Variants in MUC12 observed in about 807,000 individuals in gnomAD.
MUC12 encodes the protein mucin 12, cell surface associated.
Under a neutral mutation model 230.8 loss-of-function variants are expected in MUC12, and 172 were observed. That is an observed-to-expected ratio of 0.75 (90% CI 0.66 to 0.85). The LOEUF (loss-of-function observed/expected upper bound fraction) is 0.85, where lower values mean the gene tolerates loss of function less well. MUC12 is among the 40% of genes least tolerant of loss of function. MUC12 has a pLI of 0.00. For missense variants in MUC12, 3,506 were observed against 5,920.6 expected (o/e 0.59, Z 13.38); for synonymous variants, 1,259 against 2,401.9 (o/e 0.52, Z 13.91).
chr7:100,971,964 C>T (rs1307744145), intron 1 of MUC12, among the ~76,000 whole-genome samples: 6 of 152,296 alleles, frequency 3.9e-5, no homozygotes, highest in Non-Finnish European at 2.9e-5. Flanking sequence ...AAAGATAACA[C>T]AGGTGAATCC....
chr7:101,005,391 C>G lies in MUC12; in HGVS notation c.14828C>G (p.Thr4943Ser). Residue 4943 changes from threonine to serine, a missense_variant, in exon 2 of 12, where the codon ACT (threonine) becomes AGT (serine). By Grantham distance (58) the Thr-to-Ser change is moderately conservative (BLOSUM62 1). Transcript: ENST00000536621. Reference protein sequence around the residue: ...PTTFYISPSPTYTTLFPASSS... With the variant: ...PTTFYISPSPSYTTLFPASSS... ...ACTTTCTACATCAGCCCATCCCCTA[C>G]TTACACAACACTCTTTCCTGCGAGT... 6.5e-7 allele frequency: 1 copy of G among 1,537,934 alleles called. No homozygotes were observed. The highest frequency in any genetic ancestry group is 1.2e-5 in the South Asian group (1 of 84,058).
chr7:100,976,868 T>C (rs185714708), intron 1 of MUC12, among the ~76,000 whole-genome samples: 11 of 151,824 alleles, frequency 7.2e-5, no homozygotes, highest in Non-Finnish European at 1.2e-4. Context: ...CTGGCCAACA[T>C]GGTGAAACCC....
Position 101,011,362 on chromosome 7 carries a change from C to T in MUC12, c.15252-934C>T, listed in dbSNP as rs368659670. 4.9e-4 allele frequency among the ~76,000 whole-genome samples: 75 copies of T among 152,280 alleles called. 1 individual carries two copies. The East Asian group carries it at 0.013, about 25-fold the overall frequency. On this transcript the variant is annotated intron_variant, in intron 5 of 11. Coordinates refer to ENST00000536621, the MANE Select transcript of MUC12 (RefSeq NM_001164462.2). Reference sequence around the variant, plus strand: ...GATGACTTGCCTTGTCTCAAGATCTCTCCCCCCAGCTGCATCATTGGCTAT... The same window carrying T: ...GATGACTTGCCTTGTCTCAAGATCTTTCCCCCCAGCTGCATCATTGGCTAT...
intron 1 of MUC12, 121 bp from the exon 2 acceptor site, chr7:100,990,510 G>C: frequency 8.0e-7 from 1 of 1,248,078 alleles, no homozygotes; most frequent in Non-Finnish European, 1.1e-6. Flanking sequence ...GGAAACTTGA[G>C]TTTCAATACC....
In MUC12 at chr7:100,992,676, G is replaced by A. The variant is rs187218941; in HGVS notation, c.2113G>A (p.Asp705Asn). 672 of 1,531,932 alleles carry A rather than the reference G, an allele frequency of 4.4e-4. 2 individuals are homozygous for A. Among genetic ancestry groups the A allele is most frequent in the East Asian group, 4.1e-3 (166 of 40,532 alleles). The allele number at this position is 1,531,932 out of a possible 1,614,324, so 94.9% of individuals were successfully genotyped here. Residue 705 changes from aspartate (D) to asparagine (N), a missense_variant, in exon 2 of 12, where the codon GAC becomes AAC. Asp to Asn is a conservative substitution (Grantham distance 23). Transcript: ENST00000536621. ...TCAAACAATGCACTTCCCTGAAAGCGACACAACTTCAGGCCGTGGTGAAGA... is the reference window on the plus strand; with the variant it reads ...TCAAACAATGCACTTCCCTGAAAGCAACACAACTTCAGGCCGTGGTGAAGA... ...STQTMHFPESDTTSGRGEEST... is the reference protein window; with the variant it reads ...STQTMHFPESNTTSGRGEEST...
At position 101,012,991 on chromosome 7, in the gene MUC12, C is replaced by G; in HGVS notation, c.15487C>G (p.Gln5163Glu). Residue 5163 changes from glutamine to glutamate, a missense_variant, in exon 8 of 12, where the codon CAG (glutamine) becomes GAG (glutamate). Physicochemically the swap from Gln to Glu is conservative, Grantham distance 29. Transcript: ENST00000536621. Reference sequence around the variant, plus strand: ...CCCCTCTCCCTCAGAGCAATGCACCCAGAAGGCTGCCGAAGGATATACCCA... The same window carrying G: ...CCCCTCTCCCTCAGAGCAATGCACCGAGAAGGCTGCCGAAGGATATACCCA... ...PGFDFQEQCTQKAAEGYTQFY... is the reference protein window; with the variant it reads ...PGFDFQEQCTEKAAEGYTQFY... The G allele has an allele frequency of 1.3e-6, 2 of 1,537,324 alleles. No homozygotes were observed. The highest frequency in any genetic ancestry group is 1.7e-6 in the Non-Finnish European group (2 of 1,146,934).
intron 10 of MUC12, among the ~76,000 whole-genome samples, chr7:101,016,646 T>C (rs1255501769): frequency 2.1e-5 from 3 of 142,756 alleles, no homozygotes; most frequent in African/African-American, 7.7e-5. Context: ...CAAAAGGCCA[T>C]TCAGGGAGCA....
intron 1 of MUC12, among the ~76,000 whole-genome samples, chr7:100,987,112 G>C (rs1793202705): frequency 7.1e-6 from 1 of 140,778 alleles, no homozygotes; most frequent in African/African-American, 2.7e-5. Context: ...TGTCACCCAG[G>C]CTGGAGTGCA....
In MUC12 at chr7:101,005,081, A is replaced by G. The variant is rs754265508; in HGVS notation, c.14518A>G (p.Ser4840Gly). ...GSALSTVSPASTTVPGLSEES... is the reference protein window; with the variant it reads ...GSALSTVSPAGTTVPGLSEES... ...AGCTCTGTCAACAGTGTCACCTGCC[A>G]GCACCACAGTGCCAGGCCTTAGTGA... The change falls in exon 2 of 12, where the codon AGC becomes GGC. Residue 4840 changes from serine to glycine, a missense_variant. Transcript: ENST00000536621. 1.3e-6 allele frequency: 2 copies of G among 1,537,926 alleles called. No individual in the cohort carries two copies. Among genetic ancestry groups the G allele is most frequent in the East Asian group, 2.4e-5 (1 of 40,912 alleles).
rs1794004008 is a variant in MUC12, at chr7:101,018,831, C to T, written c.*195C>T. The T allele has an allele frequency of 2.0e-6, 1 of 512,706 alleles. No homozygotes were observed. The highest frequency in any genetic ancestry group is 3.3e-6 in the Non-Finnish European group (1 of 305,564). 31.8% of individuals were successfully genotyped at this position (512,706 alleles called of 1,614,324 possible). ...GAAGGCTGGGGGCTGTAAGCCTCTC[C>T]ATCCGGGAGCTTCCAGACTCCCAGA... is the stretch of plus-strand genomic sequence containing the variant. On this transcript the variant is annotated 3_prime_UTR_variant, in exon 12 of 12. Transcript: ENST00000536621.
rs1360014763 is a variant in MUC12, at chr7:101,004,829, A to G, written c.14266A>G (p.Ser4756Gly). Reference protein sequence around the residue: ...RSPDQTLSPASMTSSSISGEP... With the variant: ...RSPDQTLSPAGMTSSSISGEP... ...ACCAGACCAAACACTCTCACCTGCCAGCATGACAAGCTCCAGCATCAGTGG... is the reference window on the plus strand; with the variant it reads ...ACCAGACCAAACACTCTCACCTGCCGGCATGACAAGCTCCAGCATCAGTGG... Residue 4756 changes from serine (S) to glycine (G), a missense_variant, in exon 2 of 12, where the codon AGC (serine) becomes GGC (glycine). Transcript: ENST00000536621. 5 of 1,537,166 alleles carry G rather than the reference A, an allele frequency of 3.3e-6. No individual in the cohort carries two copies. The Admixed American group carries it at 9.8e-5, about 30-fold the overall frequency.
chr7:100,992,112 G>A lies in MUC12; in HGVS notation c.1549G>A (p.Val517Ile), dbSNP rs371902299. The A allele has an allele frequency of 8.8e-4, 1,347 of 1,536,726 alleles. 1 individual carries two copies. Among genetic ancestry groups the A allele is most frequent in the Non-Finnish European group, 1.0e-3 (1,199 of 1,146,350 alleles). Residue 517 changes from valine to isoleucine, a missense_variant, in exon 2 of 12, where the codon GTC becomes ATC. Transcript: ENST00000536621. ...ACCTGCCAGCATGACAAGCTCAGGCGTCAGTGAAGAATCCACCACCTCCCA... is the reference window on the plus strand; with the variant it reads ...ACCTGCCAGCATGACAAGCTCAGGCATCAGTGAAGAATCCACCACCTCCCA... ...HLPASMTSSG[V>I]SEESTTSHSR... is the part of the protein sequence containing the mutation.
At chr7:100,980,934 G>T (rs1329649144) in intron 1 of MUC12, among the ~76,000 whole-genome samples, 1 of 151,890 alleles carries the variant, frequency 6.6e-6, no homozygotes, top group Non-Finnish European at 1.5e-5. Flanking sequence ...AAAAAAAATG[G>T]TATGACTCTT....
intron 5 of MUC12, among the ~76,000 whole-genome samples, chr7:101,010,726 G>A (rs1001942170): frequency 6.6e-6 from 1 of 152,116 alleles, no homozygotes; most frequent in East Asian, 1.9e-4. Context: ...CGTTGGCCAG[G>A]CTGGTCTCGA....
At chr7:100,982,355 C>T (rs942512134) in intron 1 of MUC12, among the ~76,000 whole-genome samples, 1 of 152,168 alleles carries the variant, frequency 6.6e-6, no homozygotes, top group African/African-American at 2.4e-5. Flanking sequence ...TGGTGTTCTT[C>T]TGCCCTGAAA....
At chr7:101,012,275 T>C (rs997454355) in intron 5 of MUC12, 21 bp from the exon 6 acceptor site, 29 of 1,536,380 alleles carry the variant, frequency 1.9e-5, no homozygotes, top group Middle Eastern at 1.7e-4. Context: ...GGGTAACTGA[T>C]GAAACGATTC....
chr7:101,013,908 C>T lies in MUC12; in HGVS notation c.15639-5C>T. 2 of 1,531,742 alleles carry T rather than the reference C, an allele frequency of 1.3e-6. No homozygotes were observed. Among genetic ancestry groups the T allele is most frequent in the South Asian group, 2.4e-5 (2 of 82,946 alleles). 94.9% of individuals were successfully genotyped at this position (1,531,742 alleles called of 1,614,324 possible). A position where few individuals can be genotyped will look rare whatever the true frequency, so the allele number is the denominator to read the frequency against. On this transcript the variant is annotated splice_region_variant and splice_polypyrimidine_tract_variant and intron_variant, in intron 8 of 11. Transcript: ENST00000536621. ...GGATCAGCGTGAGCTTGTCTGTGTC[C>T]CCAGGTGCCCAAATACGAACACACA...
At chr7:100,979,006 C>T (rs1435862560) in intron 1 of MUC12, among the ~76,000 whole-genome samples, 3 of 152,188 alleles carry the variant, frequency 2.0e-5, no homozygotes, top group South Asian at 2.1e-4. Context: ...ATGGGGGTCT[C>T]GCTATGTTTT....
intron 1 of MUC12, chr7:100,972,218 G>C: frequency 1.4e-6 from 1 of 697,730 alleles, no homozygotes; most frequent in South Asian, 1.5e-5. Context: ...GATATGTAGA[G>C]ACTCAGAGAG....
Sources: allele counts gnomAD v4.1 joint callset (sites outside exome capture counted in the v4.1 genomes callset), GRCh38; gene constraint gnomAD v4.1.1; transcripts MANE v1.5; gene names NCBI Gene and HGNC (gene_info 2026-07-23, HGNC 2026-07-21).